PADI2: variants seen among roughly 807,000 people sequenced by gnomAD.
PADI2 encodes the protein peptidyl arginine deiminase 2.
PADI2 carries 70 observed loss-of-function variants against 81.1 expected under a neutral mutation model. That is an observed-to-expected ratio of 0.86 (90% CI 0.71 to 1.05). The LOEUF is 1.05. Ranked by LOEUF, PADI2 falls within the 50% of genes least tolerant of loss-of-function variation. The pLI is 0.00. For synonymous variants in PADI2, 338 were observed against 358.0 expected (o/e 0.94, Z 0.63); for missense variants, 853 against 889.9 (o/e 0.96, Z 0.53).
chr1:17,073,743 C>T (rs145260690), intron 13 of PADI2, among the ~76,000 whole-genome samples: 6 of 152,106 alleles, frequency 3.9e-5, no homozygotes, highest in African/African-American at 1.4e-4. Flanking sequence ...ACATGTACCC[C>T]CTAAATCTAA....
chr1:17,089,408 A>C (rs904422496), intron 6 of PADI2, among the ~76,000 whole-genome samples: 1 of 152,210 alleles, frequency 6.6e-6, no homozygotes, highest in Admixed American at 6.5e-5. Context: ...GGGGACAGTC[A>C]GGCTTAGAAG....
In PADI2 at chr1:17,093,652, C is replaced by T. The variant is rs1930791727; in HGVS notation, c.444G>A (p.Gly148=). 3 of 1,613,872 alleles carry T rather than the reference C, an allele frequency of 1.9e-6. No individual in the cohort carries two copies. Among genetic ancestry groups the T allele is most frequent in the African/African-American group, 1.3e-5 (1 of 75,042 alleles). The change falls in exon 5 of 16, where the codon GGG becomes GGA. Residue 148 remains glycine, a synonymous_variant. Transcript: ENST00000375486. The part of the protein sequence containing the change: ...ASWTWGPEGQ[G]AILLVNCDRE... The stretch of plus-strand genomic sequence containing the variant: ...GGTCACAGTTCACCAGCAGGATGGC[C>T]CCCTGGCCCTCGGGGCCCCAGGTCC...
At chr1:17,117,013 T>G (rs1931780112) in intron 1 of PADI2, among the ~76,000 whole-genome samples, 1 of 152,176 alleles carries the variant, frequency 6.6e-6, no homozygotes. Context: ...CATTTTTGGT[T>G]GTCACAATTT....
In PADI2 at chr1:17,092,433, G is replaced by A. The variant is rs369624452; in HGVS notation, c.630C>T (p.Asp210=). 13 of 1,607,790 alleles carry A rather than the reference G, an allele frequency of 8.1e-6. No individual in the cohort carries two copies. In the Admixed American group the frequency reaches 8.5e-5, roughly 10 times the overall value. Residue 210 remains aspartate (D), a synonymous_variant, in exon 6 of 16, where the codon GAC becomes GAT. Coordinates refer to ENST00000375486, the MANE Select transcript of PADI2 (RefSeq NM_007365.3). The part of the protein sequence containing the change: ...IVLYISMSDS[D]KVGVFYVENP... The stretch of plus-strand genomic sequence containing the variant: ...TCTCCACGTAGAACACGCCCACTTT[G>A]TCTGAGTCTGACATGGAAATGTACA...
chr1:17,082,763 T>G (rs1277725676), intron 9 of PADI2, 111 bp from the exon 10 acceptor site: 2 of 653,926 alleles, frequency 3.1e-6, no homozygotes, highest in Admixed American at 5.7e-5. Context: ...GTCTGTCTTG[T>G]TCCCCATTCC....
Position 17,083,834 on chromosome 1 carries a change from C to T in PADI2, c.942G>A (p.Met314Ile), listed in dbSNP as rs770229803. The T allele has an allele frequency of 6.3e-7, 1 of 1,599,300 alleles. No individual in the cohort carries two copies. The highest frequency in any genetic ancestry group is 1.1e-5 in the South Asian group (1 of 90,746). ...LPPVSVFVCC[M>I]KDNYLFLKEV... ...CTTTCAGGAACAGGTAATTATCCTTCATGCTGAGAAGTTGGGGGAAGAAGG... is the reference window on the plus strand; with the variant it reads ...CTTTCAGGAACAGGTAATTATCCTTTATGCTGAGAAGTTGGGGGAAGAAGG... The change falls in exon 9 of 16, where the codon ATG (methionine) becomes ATA (isoleucine). Residue 314 changes from methionine (M) to isoleucine (I), a missense_variant. Physicochemically the swap from Met to Ile is conservative, Grantham distance 10 (BLOSUM62 1). Coordinates refer to ENST00000375486, the MANE Select transcript of PADI2 (RefSeq NM_007365.3).
At chr1:17,074,985 T>G in intron 12 of PADI2, 36 bp from the exon 13 acceptor site, 1 of 1,444,910 alleles carries the variant, frequency 6.9e-7, no homozygotes, top group Non-Finnish European at 9.7e-7. Flanking sequence ...GAGTCAGCAG[T>G]GGGAAGGCAC....
chr1:17,076,147 C>T (rs1469474711), intron 11 of PADI2, among the ~76,000 whole-genome samples: 4 of 152,142 alleles, frequency 2.6e-5, no homozygotes, highest in South Asian at 2.1e-4. Context: ...GGGGCTAGGG[C>T]ACAGGAGGGC....
chr1:17,095,313 G>A (rs1930874727), intron 4 of PADI2, among the ~76,000 whole-genome samples: 1 of 152,200 alleles, frequency 6.6e-6, no homozygotes, highest in Non-Finnish European at 1.5e-5. Context: ...CACACCACAT[G>A]CCTCCTGAGA....
Position 17,068,061 on chromosome 1 carries a change from C to T in PADI2, c.*983G>A, listed in dbSNP as rs1424073819. Reference sequence around the variant, plus strand: ...AGGCCAGGGTCCTTATGTGTTGGATCTGATGTCCGGAGAGGAGGGGCTGGT... The same window carrying T: ...AGGCCAGGGTCCTTATGTGTTGGATTTGATGTCCGGAGAGGAGGGGCTGGT... On this transcript the variant is annotated 3_prime_UTR_variant, in exon 16 of 16. Coordinates refer to ENST00000375486, the MANE Select transcript of PADI2 (RefSeq NM_007365.3). 3 of 152,666 alleles carry T rather than the reference C, an allele frequency of 2.0e-5. No homozygotes were observed. Among genetic ancestry groups the T allele is most frequent in the Non-Finnish European group, 4.4e-5 (3 of 68,100 alleles). 9.5% of individuals were successfully genotyped at this position (152,666 alleles called of 1,614,324 possible). A position where few individuals can be genotyped will look rare whatever the true frequency, so the allele number is the denominator to read the frequency against.
rs554804629 is a variant in PADI2, at chr1:17,075,720, C to G, written c.1414G>C (p.Val472Leu). ...LYSDWLTVGH[V>L]DEFMSFVPIP... is the part of the protein sequence containing the mutation. ...GGGACAAAGGACATGAACTCATCCA[C>G]GTGGCCCACAGTCAGCCAGTCTGAG... is the stretch of plus-strand genomic sequence containing the variant. The change falls in exon 12 of 16, where the codon GTG becomes CTG. Residue 472 changes from valine (V) to leucine (L), a missense_variant. Physicochemically the swap from Val to Leu is conservative, Grantham distance 32. Transcript: ENST00000375486. 1.6e-5 allele frequency: 26 copies of G among 1,614,086 alleles called. No homozygotes were observed. In the East Asian group the frequency reaches 5.3e-4, roughly 33 times the overall value.
rs1340784425 is a variant in PADI2 at position 17,092,463 on chromosome 1, T to C, written c.600A>G (p.Ile200Met). 2 of 1,605,796 alleles carry C rather than the reference T, an allele frequency of 1.2e-6. No homozygotes were observed. Among genetic ancestry groups the C allele is most frequent in the Non-Finnish European group, 1.7e-6 (2 of 1,176,970 alleles). ...GPDRLPAGYEIVLYISMSDSD... is the reference protein window; with the variant it reads ...GPDRLPAGYEMVLYISMSDSD... Reference sequence around the variant, plus strand: ...AGTCTGACATGGAAATGTACAGAACTATCTCGTATCCGGCGGGGAGGCGGT... The same window carrying C: ...AGTCTGACATGGAAATGTACAGAACCATCTCGTATCCGGCGGGGAGGCGGT... Residue 200 changes from isoleucine to methionine, a missense_variant, in exon 6 of 16, where the codon ATA (isoleucine) becomes ATG (methionine). Transcript: ENST00000375486.
At chr1:17,108,913 C>G (rs1447173019) in intron 1 of PADI2, among the ~76,000 whole-genome samples, 1 of 152,222 alleles carries the variant, frequency 6.6e-6, no homozygotes, top group Non-Finnish European at 1.5e-5. Flanking sequence ...GGGAAGCATT[C>G]CTCTCCTGCA....
At chr1:17,083,643 T>C in intron 9 of PADI2, 83 bp downstream of exon 9, 2 of 811,504 alleles carry the variant, frequency 2.5e-6, no homozygotes, top group Non-Finnish European at 4.4e-6. Context: ...AGCTGCTGGG[T>C]GCCAGGCAGT....
rs760613669 is a variant in PADI2 at position 17,086,733 on chromosome 1, C to A, written c.656-34G>T. On this transcript the variant is annotated intron_variant, in intron 6 of 15. Coordinates refer to ENST00000375486, the MANE Select transcript of PADI2 (RefSeq NM_007365.3). The stretch of plus-strand genomic sequence containing the variant: ...AAAAGGACCAACGTCAGACTCCCAC[C>A]CGCATCAGAAAGAGGTCGGTGGGGT... 5.6e-6 allele frequency: 9 copies of A among 1,596,012 alleles called. No homozygotes were observed. The East Asian group carries it at 1.8e-4, about 32-fold the overall frequency.
At chr1:17,083,276 C>T (rs2746525) in intron 9 of PADI2, 10,045 of 165,948 alleles carry the variant, frequency 0.061, 1,109 homozygotes, top group African/African-American at 0.22. Context: ...GCCCGCAAGG[C>T]GGAGGTTGCA....
At chr1:17,069,799 A>G (rs2078252248) in intron 15 of PADI2, among the ~76,000 whole-genome samples, 1 of 152,194 alleles carries the variant, frequency 6.6e-6, no homozygotes. Flanking sequence ...CCTCTATGTA[A>G]CAGAAATCCC....
At chr1:17,080,254 C>T (rs2078334175) in intron 10 of PADI2, among the ~76,000 whole-genome samples, 1 of 152,232 alleles carries the variant, frequency 6.6e-6, no homozygotes, top group Non-Finnish European at 1.5e-5. Flanking sequence ...AAGGAATATA[C>T]TTCCCTGCCC....
chr1:17,075,310 G>A (rs3818038), intron 12 of PADI2: 192,188 of 315,412 alleles, frequency 0.61, 59,748 homozygotes, highest in Middle Eastern at 0.72. Flanking sequence ...TTTCTCTCTA[G>A]AGCATTACCA....
Sources: gnomAD v4.1 joint callset for allele counts (sites outside exome capture counted in the v4.1 genomes callset) on GRCh38, gnomAD v4.1.1 for gene constraint, MANE v1.5 for transcripts, NCBI Gene and HGNC (gene_info 2026-07-23, HGNC 2026-07-21) for gene names.